FMNL2: variants seen among roughly 807,000 people sequenced by gnomAD.
The protein encoded by FMNL2 is formin like 2, also known as formin-like protein 2.
FMNL2 carries 51 observed loss-of-function variants against 130.2 expected under a neutral mutation model. The observed-to-expected ratio is 0.39, with a 90% CI of 0.31 to 0.49. The LOEUF is 0.49. FMNL2 is among the 20% of genes least tolerant of loss of function. FMNL2 has a pLI of 0.85. For synonymous variants in FMNL2, 465 were observed against 467.1 expected (o/e 1.00, Z 0.06); for missense variants, 977 against 1,316.2 (o/e 0.74, Z 3.99).
intron 1 of FMNL2, among the ~76,000 whole-genome samples, chr2:152,340,219 T>G (rs1250735198): frequency 6.6e-6 from 1 of 152,160 alleles, no homozygotes; most frequent in Non-Finnish European, 1.5e-5. Context: ...TGCCTAAAAT[T>G]ATACAGTTAT....
intron 1 of FMNL2, among the ~76,000 whole-genome samples, chr2:152,497,273 C>T (rs1047408288): frequency 6.6e-6 from 1 of 152,010 alleles, no homozygotes; most frequent in Non-Finnish European, 1.5e-5. Context: ...TAACACATAC[C>T]CCACGAGAAA....
intron 1 of FMNL2, among the ~76,000 whole-genome samples, chr2:152,414,456 T>C (rs1332089269): frequency 6.6e-6 from 1 of 152,216 alleles, no homozygotes; most frequent in Non-Finnish European, 1.5e-5. Context: ...GGACATGTGT[T>C]AGTCAGAAGG....
At chr2:152,397,440 A>G (rs937197678) in intron 1 of FMNL2, among the ~76,000 whole-genome samples, 3 of 152,146 alleles carry the variant, frequency 2.0e-5, no homozygotes, top group African/African-American at 7.2e-5. Context: ...GGAATTTTTC[A>G]TGCACTTTTC....
At chr2:152,584,356 G>A (rs1364808079) in intron 9 of FMNL2, among the ~76,000 whole-genome samples, 2 of 152,098 alleles carry the variant, frequency 1.3e-5, no homozygotes, top group Non-Finnish European at 2.9e-5. Context: ...CTTTGCCTTC[G>A]AGAAGATTGT....
intron 2 of FMNL2, among the ~76,000 whole-genome samples, chr2:152,529,619 A>G (rs1049933549): frequency 4.6e-5 from 7 of 152,134 alleles, no homozygotes; most frequent in African/African-American, 1.4e-4. Flanking sequence ...AACTCTTTGT[A>G]TGTTGAGCTT....
At position 152,642,795 on chromosome 2, in the gene FMNL2, A is replaced by T. The variant is rs569169485; in HGVS notation, c.3169+1881A>T. ...GGGTGAGGCAGGTGGATCACTTGAG[A>T]TCAGGACTTCGAAACCAGCCTGGCC... On this transcript the variant is annotated intron_variant, in intron 25 of 25. Transcript: ENST00000288670. 1.0e-3 allele frequency among the ~76,000 whole-genome samples: 153 copies of T among 152,236 alleles called. 1 individual carries two copies. The highest frequency in any genetic ancestry group is 7.8e-4 in the Non-Finnish European group (53 of 68,018).
chr2:152,367,544 A>T (rs1165938747), intron 1 of FMNL2, among the ~76,000 whole-genome samples: 1 of 152,146 alleles, frequency 6.6e-6, no homozygotes, highest in Non-Finnish European at 1.5e-5. Context: ...TCACTTAGAT[A>T]ATTTCTTGGA....
At chr2:152,427,301 C>CT (rs1163536816) in intron 1 of FMNL2, among the ~76,000 whole-genome samples, 1 of 152,166 alleles carries the variant, frequency 6.6e-6, no homozygotes, top group African/African-American at 2.4e-5. Context: ...AATACCAGCA[C>CT]TTTGGGAGGC....
chr2:152,424,710 C>G (rs375511996), intron 1 of FMNL2, among the ~76,000 whole-genome samples: 1 of 152,128 alleles, frequency 6.6e-6, no homozygotes, highest in Admixed American at 6.6e-5. Flanking sequence ...TCTTTTTATT[C>G]TACCAAGTTA....
chr2:152,443,040 T>C (rs1453434028), intron 1 of FMNL2, among the ~76,000 whole-genome samples: 1 of 152,110 alleles, frequency 6.6e-6, no homozygotes, highest in African/African-American at 2.4e-5. Context: ...GCAAATGACC[T>C]GAAAAATGTA....
chr2:152,548,303 C>T (rs1039016628), intron 3 of FMNL2, among the ~76,000 whole-genome samples: 4 of 152,274 alleles, frequency 2.6e-5, no homozygotes, highest in African/African-American at 9.6e-5. Context: ...CAAGGTTGGC[C>T]CTTGGCTGGC....
At position 152,527,691 on chromosome 2, in the gene FMNL2, A is replaced by G. The variant is rs180995676; in HGVS notation, c.201+5665A>G. 1.5e-4 allele frequency among the ~76,000 whole-genome samples: 23 copies of G among 152,164 alleles called. No individual in the cohort carries two copies. The East Asian group carries it at 4.5e-3, about 29-fold the overall frequency. On this transcript the variant is annotated intron_variant, in intron 2 of 25. Coordinates refer to ENST00000288670, the MANE Select transcript of FMNL2 (RefSeq NM_052905.4). ...ACTCATGAATTTTCATGGGTTCATC[A>G]TGTTTCAATCAATGTGATATTATTT...
chr2:152,508,165 A>G (rs563903811), intron 1 of FMNL2, among the ~76,000 whole-genome samples: 11 of 152,244 alleles, frequency 7.2e-5, no homozygotes, highest in African/African-American at 1.9e-4. Flanking sequence ...GAATGGACCT[A>G]TTTGTCAGTG....
intron 1 of FMNL2, among the ~76,000 whole-genome samples, chr2:152,455,001 C>T (rs940227615): frequency 6.6e-6 from 1 of 152,076 alleles, no homozygotes; most frequent in African/African-American, 2.4e-5. Context: ...TTGAGAGGGT[C>T]CCCAGGCCTT....
chr2:152,553,633 A>G (rs1425927745), intron 4 of FMNL2, among the ~76,000 whole-genome samples: 3 of 151,294 alleles, frequency 2.0e-5, no homozygotes, highest in African/African-American at 7.3e-5. Context: ...CAAATCTATT[A>G]ATGTTTATAA....
intron 1 of FMNL2, among the ~76,000 whole-genome samples, chr2:152,478,244 ATATATATT>A (rs1250172341): frequency 2.9e-4 from 11 of 38,518 alleles, no homozygotes; most frequent in Middle Eastern, 0.026. Context: ...ATATATATAT[ATATATATT>A]TTTTTTTTTT....
chr2:152,421,428 C>T lies in FMNL2; in HGVS notation c.117+85708C>T, dbSNP rs375915083. Among the ~76,000 whole-genome samples, 36 of 152,308 alleles carry T rather than the reference C, an allele frequency of 2.4e-4. 1 individual carries two copies. Among genetic ancestry groups the T allele is most frequent in the African/African-American group, 7.9e-4 (33 of 41,554 alleles). ...ATGCAACCGTGTTGGGACAACAAATCAGTGCTAACCTCTCTGGGGAAACTC... is the reference window on the plus strand; with the variant it reads ...ATGCAACCGTGTTGGGACAACAAATTAGTGCTAACCTCTCTGGGGAAACTC... On this transcript the variant is annotated intron_variant, in intron 1 of 25. Coordinates refer to ENST00000288670, the MANE Select transcript of FMNL2 (RefSeq NM_052905.4).
Position 152,645,588 on chromosome 2 carries a change from T to C in FMNL2, c.3170-2208T>C. 3.7e-6 allele frequency: 4 copies of C among 1,088,870 alleles called. No homozygotes were observed. In the South Asian group the frequency reaches 5.4e-5, roughly 15 times the overall value. 67.5% of individuals were successfully genotyped at this position (1,088,870 alleles called of 1,614,324 possible). ...CTGTATGCAGATCAATGGTTTTCAA[T>C]CTATGGCTGAGGGTAATACTGGTGA... On this transcript the variant is annotated intron_variant, in intron 25 of 25. Coordinates refer to ENST00000288670, the MANE Select transcript of FMNL2 (RefSeq NM_052905.4).
At chr2:152,370,531 G>T (rs1683817308) in intron 1 of FMNL2, among the ~76,000 whole-genome samples, 1 of 152,128 alleles carries the variant, frequency 6.6e-6, no homozygotes. Context: ...GAGTTGATTG[G>T]AAGTAGATTT....
Sources: allele counts gnomAD v4.1 joint callset (sites outside exome capture counted in the v4.1 genomes callset), GRCh38; gene constraint gnomAD v4.1.1; transcripts MANE v1.5; gene names NCBI Gene and HGNC (gene_info 2026-07-23, HGNC 2026-07-21).